ARMCX4: variants seen among roughly 807,000 people sequenced by gnomAD.
ARMCX4 encodes the protein armadillo repeat-containing X-linked protein 4.
Under a neutral mutation model 34.7 loss-of-function variants are expected in ARMCX4, and 3 were observed. The observed-to-expected ratio is 0.09, with a 90% confidence interval of 0.04 to 0.22. The LOEUF (loss-of-function observed/expected upper bound fraction) is 0.22, where lower values mean the gene tolerates loss of function less well. Ranked by LOEUF, ARMCX4 falls within the 10% of genes least tolerant of loss-of-function variation. ARMCX4 has a pLI of 1.00. For missense variants in ARMCX4, 1,448 were observed against 1,720.8 expected (o/e 0.84, Z 2.81); for synonymous variants, 513 against 632.8 (o/e 0.81, Z 2.84).
At chrX:101,470,227 T>G (rs1372657380) in intron 4 of ARMCX4, among the ~76,000 whole-genome samples, 2 of 112,666 alleles carry the variant, frequency 1.8e-5, no homozygotes, top group African/African-American at 6.4e-5. Flanking sequence ...CGGATTAGTT[T>G]CGTTTGTTTT....
At chrX:101,462,989 G>A (rs782270683) in intron 4 of ARMCX4, among the ~76,000 whole-genome samples, 23 of 111,672 alleles carry the variant, frequency 2.1e-4, no homozygotes, top group Non-Finnish European at 4.3e-4. Flanking sequence ...GTGCCAATAA[G>A]TCCAAGCCTT....
rs1328906044 is a variant in ARMCX4 at position 101,431,637 on chromosome X, G to A, written n.165-12415G>A. 4.5e-5 allele frequency among the ~76,000 whole-genome samples: 5 copies of A among 110,920 alleles called. No individual in the cohort carries two copies. In the South Asian group the frequency reaches 1.9e-3, roughly 42 times the overall value. On this transcript the variant is annotated intron_variant and non_coding_transcript_variant, in intron 2 of 3. Coordinates refer to the ARMCX4 transcript ENST00000430461. Reference sequence around the variant, plus strand: ...CGGCTCCCTGCAAGCTCTGCCTTCCGGGTTCATGCCATTCTCCTGCCTCAG... The same window carrying A: ...CGGCTCCCTGCAAGCTCTGCCTTCCAGGTTCATGCCATTCTCCTGCCTCAG...
chrX:101,459,935 T>TAA (rs1932530552), intron 4 of ARMCX4, among the ~76,000 whole-genome samples: 1 of 112,195 alleles, frequency 8.9e-6, no homozygotes, highest in South Asian at 3.6e-4. Flanking sequence ...TGTAGGTGTA[T>TAA]AAACACTAAT....
chrX:101,426,328 G>C (rs1394989894), intron 2 of ARMCX4, among the ~76,000 whole-genome samples: 1 of 111,659 alleles, frequency 9.0e-6, no homozygotes, highest in Non-Finnish European at 1.9e-5. Flanking sequence ...CTTAATTGAG[G>C]AACTAACTGC....
chrX:101,493,178 A>G lies in ARMCX4; in HGVS notation c.4589A>G (p.Asp1530Gly). The G allele has an allele frequency of 8.7e-7, 1 of 1,151,306 alleles. No homozygotes were observed. Among genetic ancestry groups the G allele is most frequent in the Non-Finnish European group, 1.1e-6 (1 of 871,448 alleles). 94.9% of individuals were successfully genotyped at this position (1,151,306 alleles called of 1,213,427 possible). Reference protein sequence around the residue: ...GGSWGGASGQDVGGSRPGPTN... With the variant: ...GGSWGGASGQGVGGSRPGPTN... ...TCTTGGGGTGGGGCTAGTGGCCAGGATGTTGGAGGGTCTAGGCCAGGGCCC... is the reference window on the plus strand; with the variant it reads ...TCTTGGGGTGGGGCTAGTGGCCAGGGTGTTGGAGGGTCTAGGCCAGGGCCC... The change falls in exon 6 of 6, where the codon GAT becomes GGT. Residue 1530 changes from aspartate to glycine, a missense_variant. By Grantham distance (94) the Asp-to-Gly change is moderately conservative. This residue lies in a region of ARMCX4 where 1,343 missense variants were observed against 1,540.7 expected (regional missense o/e 0.87). Coordinates refer to ENST00000423738, the MANE Select transcript of ARMCX4 (RefSeq NM_001256155.3).
chrX:101,534,596 T>C (rs782486520), downstream of ARMCX4, among the ~76,000 whole-genome samples: 3 of 111,099 alleles, frequency 2.7e-5, no homozygotes, highest in South Asian at 7.6e-4. Context: ...GTTTAGATTA[T>C]GATAATTATG....
At chrX:101,533,837 C>T (rs1251521239), downstream of ARMCX4, among the ~76,000 whole-genome samples, 1 of 111,204 alleles carries the variant, frequency 9.0e-6, no homozygotes, top group Non-Finnish European at 1.9e-5. Context: ...TCTAGAAGTA[C>T]TAGTTAATGC....
rs1479369672 is a variant in ARMCX4 at position 101,492,018 on chromosome X, GGC to G, written c.3430_3431del (p.Ala1144Ter). 8.7e-7 allele frequency: 1 copy of G among 1,153,809 alleles called. No homozygotes were observed. Among genetic ancestry groups the G allele is most frequent in the African/African-American group, 1.8e-5 (1 of 55,786 alleles). Reference sequence around the variant, plus strand: ...AAGCCAGTATTGGGTCCTGGAGTGGGGCTAGTGATAAGGCTGGGATTATTCGG... The same window carrying G: ...AAGCCAGTATTGGGTCCTGGAGTGGGTAGTGATAAGGCTGGGATTATTCGG... Reference protein sequence around the residue: ...NEASIGSWSGASDKAGIIRSW... With the variant: ...NEASIGSWSGXSDKAGIIRSW... On this transcript the variant is annotated frameshift_variant, in exon 6 of 6. Coordinates refer to ENST00000423738, the MANE Select transcript of ARMCX4 (RefSeq NM_001256155.3). LOFTEE classifies it low-confidence loss of function (END_TRUNC).
At chrX:101,435,591 C>T (rs1175052975) in intron 2 of ARMCX4, among the ~76,000 whole-genome samples, 2 of 109,305 alleles carry the variant, frequency 1.8e-5, no homozygotes, top group Admixed American at 2.0e-4. Context: ...CTGTAGGTTG[C>T]CTGTTCACTC....
At chrX:101,456,337 T>C (rs1212239386) in intron 4 of ARMCX4, among the ~76,000 whole-genome samples, 2 of 111,765 alleles carry the variant, frequency 1.8e-5, no homozygotes, top group African/African-American at 6.5e-5. Flanking sequence ...TTTTTCTTTT[T>C]TTTGCTTTTT....
intron 11 of ARMCX4, among the ~76,000 whole-genome samples, chrX:101,525,403 G>A (rs782294351): frequency 1.3e-4 from 15 of 111,694 alleles, no homozygotes; most frequent in East Asian, 2.8e-4. Flanking sequence ...AAACCAGAGC[G>A]CCTCTTCTCC....
At position 101,490,432 on chromosome X, in the gene ARMCX4, G is replaced by A; in HGVS notation, c.1843G>A (p.Val615Met). Residue 615 changes from valine to methionine, a missense_variant, in exon 6 of 6, where the codon GTG (valine) becomes ATG (methionine). Transcript: ENST00000423738. ...TAAAGTCAAGGGCAATCCCCATACTGTGCTTAAGGTGGGGGCTGGAGAAGG... is the reference window on the plus strand; with the variant it reads ...TAAAGTCAAGGGCAATCCCCATACTATGCTTAAGGTGGGGGCTGGAGAAGG... ...KNKVKGNPHT[V>M]LKVGAGEGTT... is the part of the protein sequence containing the mutation. 8.7e-7 allele frequency: 1 copy of A among 1,154,507 alleles called. No homozygotes were observed. Among genetic ancestry groups the A allele is most frequent in the Non-Finnish European group, 1.1e-6 (1 of 872,270 alleles).
intron 2 of ARMCX4, among the ~76,000 whole-genome samples, chrX:101,428,872 CTTTTTTTT>C (rs57998955): frequency 3.0e-4 from 20 of 66,254 alleles, no homozygotes; most frequent in Non-Finnish European, 9.1e-5. Flanking sequence ...ATTTCTTTTC[CTTTTTTTT>C]TTTTTTTTTT....
downstream of ARMCX4, chrX:101,499,020 T>G (rs1934239942): frequency 8.9e-6 from 1 of 112,069 alleles, no homozygotes; most frequent in Admixed American, 9.5e-5. Flanking sequence ...GGTGATGTGC[T>G]GGGTGTAATA....
At chrX:101,454,849 G>A (rs1482109693) in intron 4 of ARMCX4, among the ~76,000 whole-genome samples, 1 of 111,423 alleles carries the variant, frequency 9.0e-6, no homozygotes, top group African/African-American at 3.3e-5. Flanking sequence ...GGGCTCTGGT[G>A]AGGGCCCTCT....
chrX:101,479,533 T>G (rs1933350747), intron 4 of ARMCX4, among the ~76,000 whole-genome samples: 1 of 107,698 alleles, frequency 9.3e-6, no homozygotes, highest in Non-Finnish European at 1.9e-5. Context: ...CAGGCTGGAG[T>G]GCAGTGGCAC....
In ARMCX4 at chrX:101,527,366, A is replaced by T. The variant is rs368592260; in HGVS notation, c.*1781-4278A>T. ...GTGAAATTTATAGCACTAAATGCCC[A>T]CAAGAGAAAGCAGGAAAGATCTAAA... On this transcript the variant is annotated intron_variant and NMD_transcript_variant, in intron 11 of 12. Coordinates refer to the ARMCX4 transcript ENST00000354842. Among the ~76,000 whole-genome samples the T allele has an allele frequency of 7.1e-5, 8 of 112,249 alleles. No individual in the cohort carries two copies. The East Asian group carries it at 2.3e-3, about 32-fold the overall frequency.
At chrX:101,484,488 T>C (rs143213364), upstream of ARMCX4, among the ~76,000 whole-genome samples, 543 of 112,053 alleles carry the variant, frequency 4.8e-3, 2 homozygotes, top group African/African-American at 0.016. Flanking sequence ...AAGTCACTAG[T>C]AAAGCACTAG....
chrX:101,466,708 G>A (rs781913222), intron 4 of ARMCX4, among the ~76,000 whole-genome samples: 4 of 111,819 alleles, frequency 3.6e-5, no homozygotes, highest in Non-Finnish European at 7.5e-5. Flanking sequence ...TGGGGGTGCT[G>A]AGGCTGAAGA....
Sources: gnomAD v4.1 joint callset for allele counts (sites outside exome capture counted in the v4.1 genomes callset) on GRCh38, gnomAD v4.1.1 for gene constraint, gnomAD v4.1.1 regional missense constraint, MANE v1.5 for transcripts, NCBI Gene and HGNC (gene_info 2026-07-23, HGNC 2026-07-21) for gene names.